TRHDE: variants seen among roughly 807,000 people sequenced by gnomAD.
TRHDE encodes the protein thyrotropin releasing hormone degrading enzyme.
In TRHDE, 72 loss-of-function variants were observed where a neutral mutation model predicts 125.7. That is an observed-to-expected ratio of 0.57 (90% CI 0.47 to 0.70). The LOEUF (loss-of-function observed/expected upper bound fraction) is 0.70. Among genes scored for constraint, TRHDE ranks in the 30% least tolerant of loss-of-function variants. The probability of loss-of-function intolerance (pLI) is 0.00; values close to 1 mark genes in which losing one functional copy is unlikely to be tolerated. For synonymous variants in TRHDE, 509 were observed against 509.1 expected (o/e 1.00, Z 0.00); for missense variants, 1,110 against 1,327.1 (o/e 0.84, Z 2.54).
In TRHDE at chr12:72,401,446, G is replaced by A. The variant is rs138234432; in HGVS notation, c.1315+23325G>A. On this transcript the variant is annotated intron_variant, in intron 3 of 18. Transcript: ENST00000261180. ...ATTTGAAGCAAGTGGAAAAGTTAAG[G>A]TTTGCACCCAAGTAATGCACTCCAG... 2.6e-5 allele frequency among the ~76,000 whole-genome samples: 4 copies of A among 152,208 alleles called. No homozygotes were observed. The East Asian group carries it at 7.7e-4, about 29-fold the overall frequency.
At chr12:72,340,828 C>T (rs537755459) in intron 2 of TRHDE, among the ~76,000 whole-genome samples, 2 of 152,156 alleles carry the variant, frequency 1.3e-5, no homozygotes, top group South Asian at 4.1e-4. Flanking sequence ...AAATTGTAAG[C>T]TTTATTATAA....
chr12:72,223,025 G>A (rs1878032311), intron 2 of TRHDE, among the ~76,000 whole-genome samples: 1 of 152,084 alleles, frequency 6.6e-6, no homozygotes, highest in Non-Finnish European at 1.5e-5. Context: ...ATAGCACTGT[G>A]GTGATGGGCC....
At chr12:72,277,520 G>T (rs1879530640) in intron 1 of TRHDE, among the ~76,000 whole-genome samples, 1 of 152,090 alleles carries the variant, frequency 6.6e-6, no homozygotes, top group Non-Finnish European at 1.5e-5. Context: ...AAATCTTTGA[G>T]AACCATTTGT....
In TRHDE at chr12:72,597,713, G is replaced by GTATATATA. The variant is rs762515309; in HGVS notation, c.2322-21140_2322-21133dup. 4.6e-3 allele frequency among the ~76,000 whole-genome samples: 85 copies of GTATATATA among 18,404 alleles called. 1 individual carries two copies. Among genetic ancestry groups the GTATATATA allele is most frequent in the Non-Finnish European group, 5.7e-3 (62 of 10,886 alleles). 12.1% of individuals were successfully genotyped at this position (18,404 alleles called of 152,430 possible). A position where few individuals can be genotyped will look rare whatever the true frequency, so the allele number is the denominator to read the frequency against. On this transcript the variant is annotated intron_variant, in intron 12 of 18. Coordinates refer to ENST00000261180, the MANE Select transcript of TRHDE (RefSeq NM_013381.3). Reference sequence around the variant, plus strand: ...GAGGTATATATATGTGTGTGTGTATGTATATATATATATATATATATATAT... The same window carrying GTATATATA: ...GAGGTATATATATGTGTGTGTGTATGTATATATATATATATATATATATATATATATAT...
At chr12:72,517,265 A>T (rs1296539387) in intron 6 of TRHDE, among the ~76,000 whole-genome samples, 1 of 151,324 alleles carries the variant, frequency 6.6e-6, no homozygotes, top group South Asian at 2.1e-4. Flanking sequence ...CTGTGAATCC[A>T]TCTGGTCCTG....
intron 3 of TRHDE, among the ~76,000 whole-genome samples, chr12:72,469,392 T>C (rs1234081003): frequency 1.3e-5 from 2 of 152,216 alleles, no homozygotes; most frequent in African/African-American, 4.8e-5. Flanking sequence ...ATTTACTGCA[T>C]TGAGTCAAAT....
intron 1 of TRHDE, 108 bp from the exon 2 acceptor site, chr12:72,286,573 T>C: frequency 9.1e-7 from 1 of 1,100,660 alleles, no homozygotes; most frequent in Non-Finnish European, 1.3e-6. Flanking sequence ...CAGAAAAAAA[T>C]ATTGCAATTT....
intron 7 of TRHDE, among the ~76,000 whole-genome samples, chr12:72,548,465 G>A (rs1386716886): frequency 1.3e-5 from 2 of 151,502 alleles, no homozygotes; most frequent in East Asian, 3.9e-4. Context: ...ATATTCATTT[G>A]ATCAATAAAT....
chr12:72,436,378 T>C (rs1874746201), intron 3 of TRHDE, among the ~76,000 whole-genome samples: 1 of 152,064 alleles, frequency 6.6e-6, no homozygotes, highest in Non-Finnish European at 1.5e-5. Context: ...ATTAATCATT[T>C]CTTCTTTTTT....
At chr12:72,592,835 C>T (rs535391401) in intron 12 of TRHDE, among the ~76,000 whole-genome samples, 209 of 152,028 alleles carry the variant, frequency 1.4e-3, no homozygotes, top group Middle Eastern at 0.014. Flanking sequence ...CTCAGCATCC[C>T]GAGTAGCTGG....
At chr12:72,640,170 G>A (rs1439604483) in intron 15 of TRHDE, among the ~76,000 whole-genome samples, 4 of 152,246 alleles carry the variant, frequency 2.6e-5, no homozygotes, top group African/African-American at 9.6e-5. Context: ...CGTGGGCGTA[G>A]GACCCTCCGA....
chr12:72,361,117 A>G (rs981621910), intron 2 of TRHDE, among the ~76,000 whole-genome samples: 1 of 151,732 alleles, frequency 6.6e-6, no homozygotes, highest in African/African-American at 2.4e-5. Flanking sequence ...GCTGAGGATA[A>G]TTTGTGTATA....
chr12:72,647,554 G>A (rs1012475991), intron 15 of TRHDE, among the ~76,000 whole-genome samples: 1 of 151,850 alleles, frequency 6.6e-6, no homozygotes, highest in African/African-American at 2.4e-5. Flanking sequence ...TAATGAAAAA[G>A]AGAGAAGACT....
At chr12:72,222,165 A>G (rs534608686) in intron 2 of TRHDE, among the ~76,000 whole-genome samples, 3 of 152,246 alleles carry the variant, frequency 2.0e-5, no homozygotes, top group East Asian at 3.9e-4. Flanking sequence ...CTTGGTTAAC[A>G]CTGGAAAAAA....
intron 15 of TRHDE, among the ~76,000 whole-genome samples, chr12:72,635,488 T>C (rs1361114630): frequency 1.1e-4 from 17 of 152,256 alleles, no homozygotes; most frequent in Middle Eastern, 6.8e-3. Flanking sequence ...TTTTGCTGTG[T>C]AGAAGCTCTT....
intron 6 of TRHDE, among the ~76,000 whole-genome samples, chr12:72,517,302 A>C (rs1235092115): frequency 6.9e-6 from 1 of 145,404 alleles, no homozygotes; most frequent in South Asian, 2.2e-4. Context: ...TAAGCTATTG[A>C]TTATTGCCAC....
intron 6 of TRHDE, among the ~76,000 whole-genome samples, chr12:72,507,099 C>T (rs1291490983): frequency 6.6e-6 from 1 of 152,140 alleles, no homozygotes; most frequent in African/African-American, 2.4e-5. Context: ...TTGTAAGTTT[C>T]CTGAGGCCTC....
At chr12:72,556,275 T>C (rs1359148391) in intron 7 of TRHDE, among the ~76,000 whole-genome samples, 1 of 152,224 alleles carries the variant, frequency 6.6e-6, no homozygotes, top group Non-Finnish European at 1.5e-5. Flanking sequence ...GGTTGTATTA[T>C]GCAAGCAACA....
At chr12:72,268,299 A>G (rs1187736634), upstream of TRHDE, among the ~76,000 whole-genome samples, 2 of 152,114 alleles carry the variant, frequency 1.3e-5, no homozygotes, top group African/African-American at 2.4e-5. Flanking sequence ...GTGTGCTTTT[A>G]TAAAATTTAC....
Sources: allele counts gnomAD v4.1 joint callset (sites outside exome capture counted in the v4.1 genomes callset), GRCh38; gene constraint gnomAD v4.1.1; transcripts MANE v1.5; gene names NCBI Gene and HGNC (gene_info 2026-07-23, HGNC 2026-07-21).